The following IQSEC1 variants were observed in gnomAD, a reference collection of about 807,000 sequenced individuals.
IQSEC1 encodes the protein IQ motif and Sec7 domain ArfGEF 1.
Under a neutral mutation model 91.0 loss-of-function variants are expected in IQSEC1, and 31 were observed. That is an observed-to-expected ratio of 0.34 (90% CI 0.26 to 0.46). The LOEUF (loss-of-function observed/expected upper bound fraction) is 0.46, where lower values mean the gene tolerates loss of function less well. IQSEC1 is among the 20% of genes least tolerant of loss of function. The pLI, the probability that IQSEC1 is intolerant of heterozygous loss-of-function variation, is 1.00. For missense variants in IQSEC1, 1,388 were observed against 1,575.6 expected (o/e 0.88, Z 2.02); for synonymous variants, 699 against 662.6 (o/e 1.05, Z -0.84).
chr3:13,054,120 C>T (rs927324132), intron 1 of IQSEC1, among the ~76,000 whole-genome samples: 2 of 152,218 alleles, frequency 1.3e-5, no homozygotes, highest in African/African-American at 4.8e-5. Context: ...CCCCTGCCCA[C>T]GGTGGGTGTT....
In IQSEC1 at chr3:13,103,699, C is replaced by T. The variant is rs914563038; in HGVS notation, c.303-56177G>A. Among the ~76,000 whole-genome samples the T allele has an allele frequency of 1.3e-5, 2 of 152,066 alleles. No homozygotes were observed. Among genetic ancestry groups the T allele is most frequent in the African/African-American group, 4.8e-5 (2 of 41,392 alleles). On this transcript the variant is annotated intron_variant, in intron 2 of 15. Transcript: ENST00000648114. This position sits in a 1 kb window ranked among gnomAD's most constrained non-coding sequence, Gnocchi z 4.1. ...GGGGCTGGCAGCTGTGATTTCAGAG[C>T]AGGGGAAGGTTGGAGGCCTGACCCC... is the stretch of plus-strand genomic sequence containing the variant.
At chr3:13,060,780 G>A (rs546833707) in intron 1 of IQSEC1, among the ~76,000 whole-genome samples, 3 of 152,318 alleles carry the variant, frequency 2.0e-5, no homozygotes, top group African/African-American at 4.8e-5. Flanking sequence ...GGCGGCTGCC[G>A]TGAAGACAGG....
intron 2 of IQSEC1, among the ~76,000 whole-genome samples, chr3:13,112,473 A>T (rs1706263107): frequency 6.6e-6 from 1 of 152,210 alleles, no homozygotes. Flanking sequence ...GGGACTGACA[A>T]CCAATCAACA....
At chr3:13,224,465 G>A (rs74868975) in intron 1 of IQSEC1, among the ~76,000 whole-genome samples, 1,807 of 152,220 alleles carry the variant, frequency 0.012, 30 homozygotes, top group African/African-American at 0.041. Flanking sequence ...TGGGAGAAGG[G>A]GCGCTGGGCA....
intron 2 of IQSEC1, among the ~76,000 whole-genome samples, chr3:13,162,813 G>A (rs571914042): frequency 3.3e-5 from 5 of 152,214 alleles, no homozygotes; most frequent in South Asian, 2.1e-4. Context: ...GCCATGTGGC[G>A]GTGCACACCT....
chr3:13,059,649 G>A (rs1323881282), intron 1 of IQSEC1, among the ~76,000 whole-genome samples: 1 of 152,162 alleles, frequency 6.6e-6, no homozygotes, highest in Non-Finnish European at 1.5e-5. Context: ...TACTTGGGAG[G>A]CTGAGGTGGG....
At chr3:13,101,124 G>A (rs1427076787) in intron 2 of IQSEC1, among the ~76,000 whole-genome samples, 5 of 152,154 alleles carry the variant, frequency 3.3e-5, no homozygotes, top group Admixed American at 2.0e-4. Flanking sequence ...TCTGCTAAGC[G>A]CAGCGAGGAG....
At chr3:13,135,414 C>T (rs1706690523) in intron 2 of IQSEC1, among the ~76,000 whole-genome samples, 1 of 152,246 alleles carries the variant, frequency 6.6e-6, no homozygotes, top group African/African-American at 2.4e-5. Context: ...CCTGCTACTG[C>T]TACACGGGCC....
intron 1 of IQSEC1, among the ~76,000 whole-genome samples, chr3:13,029,552 G>C (rs1576188971): frequency 6.6e-6 from 1 of 152,208 alleles, no homozygotes; most frequent in Non-Finnish European, 1.5e-5. Flanking sequence ...AAAGAAGAAA[G>C]CTGCTCCCTT....
At chr3:12,959,017 G>T (rs1432448974) in intron 1 of IQSEC1, among the ~76,000 whole-genome samples, 1 of 152,228 alleles carries the variant, frequency 6.6e-6, no homozygotes, top group Non-Finnish European at 1.5e-5. Context: ...CCAATTTGGG[G>T]AGAGGGAGAT....
intron 1 of IQSEC1, among the ~76,000 whole-genome samples, chr3:13,216,374 G>C (rs1021875393): frequency 2.6e-5 from 4 of 152,230 alleles, no homozygotes; most frequent in African/African-American, 9.6e-5. Flanking sequence ...TACCAGCAGG[G>C]GACAGGGGGC....
In IQSEC1 at chr3:13,087,226, G is replaced by C. The variant is rs117671321; in HGVS notation, c.303-39704C>G. ...CTTGTGATTACAGTTTATTTGCTGC[G>C]ACTTTAGTTAATGGGCTGGATGGAA... On this transcript the variant is annotated intron_variant, in intron 2 of 15. Coordinates refer to the IQSEC1 transcript ENST00000648114. Among the ~76,000 whole-genome samples, 577 of 152,314 alleles carry C rather than the reference G, an allele frequency of 3.8e-3. 9 individuals carry two copies. The highest frequency in any genetic ancestry group is 0.029 in the East Asian group (152 of 5,192).
intron 2 of IQSEC1, among the ~76,000 whole-genome samples, chr3:13,135,643 G>C (rs1182912788): frequency 1.3e-5 from 2 of 152,242 alleles, no homozygotes; most frequent in Non-Finnish European, 2.9e-5. Flanking sequence ...CCCAGGCAAG[G>C]AGCCGGAGTG....
intron 1 of IQSEC1, among the ~76,000 whole-genome samples, chr3:13,267,356 C>T (rs1409781560): frequency 2.0e-5 from 3 of 152,204 alleles, no homozygotes; most frequent in African/African-American, 7.2e-5. Flanking sequence ...GCAGCCTGAA[C>T]AGCCGAGGAC....
At chr3:13,265,737 T>A (rs1457685273) in intron 1 of IQSEC1, among the ~76,000 whole-genome samples, 1 of 151,682 alleles carries the variant, frequency 6.6e-6, no homozygotes, top group African/African-American at 2.4e-5. Flanking sequence ...AGAGCAAGGG[T>A]CAAAGGATAC....
intron 1 of IQSEC1, among the ~76,000 whole-genome samples, chr3:13,004,802 C>T (rs917158156): frequency 4.6e-5 from 7 of 152,118 alleles, no homozygotes; most frequent in Non-Finnish European, 1.0e-4. Flanking sequence ...AAAAACCCAG[C>T]ATCGGGCCAG....
Position 13,169,702 on chromosome 3 carries a change from T to G in IQSEC1, c.273-5569A>C, listed in dbSNP as rs146024493. Among the ~76,000 whole-genome samples the G allele has an allele frequency of 4.9e-3, 740 of 152,340 alleles. 3 individuals carry two copies. The highest frequency in any genetic ancestry group is 0.017 in the African/African-American group (706 of 41,580). Reference sequence around the variant, plus strand: ...GGAGCAAAGGTGACTCTTGTAATGTTTTAGCAAAGAGACTGGCAGCATTTT... The same window carrying G: ...GGAGCAAAGGTGACTCTTGTAATGTGTTAGCAAAGAGACTGGCAGCATTTT... On this transcript the variant is annotated intron_variant, in intron 1 of 15. Coordinates refer to the IQSEC1 transcript ENST00000648114.
chr3:13,227,681 C>T (rs1193965910), intron 1 of IQSEC1, among the ~76,000 whole-genome samples: 3 of 152,020 alleles, frequency 2.0e-5, no homozygotes, highest in Admixed American at 2.0e-4. Flanking sequence ...CTGGCAGTGC[C>T]GGGGCCAGGT....
intron 2 of IQSEC1, among the ~76,000 whole-genome samples, chr3:13,099,262 G>A (rs1264337658): frequency 6.6e-6 from 1 of 152,222 alleles, no homozygotes; most frequent in Non-Finnish European, 1.5e-5. Context: ...GAGGCACATC[G>A]GCTATATCAG....
Sources: allele counts gnomAD v4.1 joint callset (sites outside exome capture counted in the v4.1 genomes callset), GRCh38; gene constraint gnomAD v4.1.1; non-coding constraint Gnocchi (gnomAD v3.1); transcripts MANE v1.5; gene names NCBI Gene and HGNC (gene_info 2026-07-23, HGNC 2026-07-21).